Variants in CTNND1 observed in about 807,000 individuals in gnomAD.
CTNND1 encodes the protein catenin delta 1.
A neutral mutation model predicts 112.1 loss-of-function variants in CTNND1; 16 were observed. That is an observed-to-expected ratio of 0.14 (90% CI 0.10 to 0.22). The LOEUF (loss-of-function observed/expected upper bound fraction) is 0.22. Among genes scored for constraint, CTNND1 ranks in the 10% least tolerant of loss-of-function variants. CTNND1 has a pLI of 1.00. For synonymous variants in CTNND1, 420 were observed against 446.5 expected, an observed-to-expected ratio of 0.94 and a Z score of 0.75; for missense variants, 1,008 against 1,257.0, an observed-to-expected ratio of 0.80 and a Z score of 3.00.
chr11:57,816,585 T>G lies in CTNND1; in HGVS notation c.*277T>G. 3.8e-6 allele frequency: 2 copies of G among 526,146 alleles called. No homozygotes were observed. Among genetic ancestry groups the G allele is most frequent in the Non-Finnish European group, 6.8e-6 (2 of 293,192 alleles). 32.6% of individuals were successfully genotyped at this position (526,146 alleles called of 1,614,324 possible). ...CATATTTTGAGAAACTGCTGCAGAT[T>G]AGTTCTTTTTGCCAGTTTTCCCTGG... On this transcript the variant is annotated 3_prime_UTR_variant, in exon 21 of 21. Transcript: ENST00000399050.
rs1182263191 is a variant in CTNND1 at position 57,805,914 on chromosome 11, C to T, written c.1755C>T (p.Asn585=). 1.9e-6 allele frequency: 3 copies of T among 1,613,710 alleles called. No homozygotes were observed. The highest frequency in any genetic ancestry group is 1.6e-4 in the Middle Eastern group (1 of 6,082). ...LVENCVCLLR[N]LSYQVHREIP... is the part of the protein sequence containing the mutation. ...AGAACTGTGTTTGCCTTCTTCGGAA[C>T]TTATCATATCAAGTTCACCGGGAGA... The change falls in exon 10 of 21, where the codon AAC becomes AAT. Residue 585 remains asparagine (N), a synonymous_variant. Coordinates refer to ENST00000399050, the MANE Select transcript of CTNND1 (RefSeq NM_001085458.2).
In CTNND1 at chr11:57,791,564, C is replaced by T. The variant is rs748583238; in HGVS notation, c.86C>T (p.Ala29Val). 2 of 1,610,602 alleles carry T rather than the reference C, an allele frequency of 1.2e-6. No individual in the cohort carries two copies. Among genetic ancestry groups the T allele is most frequent in the South Asian group, 1.1e-5 (1 of 90,470 alleles). Residue 29 changes from alanine to valine, a missense_variant, in exon 3 of 21, where the codon GCG becomes GTG. This residue lies in a region of CTNND1 where 404 missense variants were observed against 457.9 expected (regional missense o/e 0.88). Coordinates refer to ENST00000399050, the MANE Select transcript of CTNND1 (RefSeq NM_001085458.2). ...GCCCAGTTTGAGAAGCTGACCCGGG[C>T]GCTGGAGGAGGAACGGCGCCACGTC... ...QEAQFEKLTR[A>V]LEEERRHVSA... is the part of the protein sequence containing the mutation.
At chr11:57,799,290 G>T (rs2061720345) in intron 6 of CTNND1, among the ~76,000 whole-genome samples, 2 of 152,194 alleles carry the variant, frequency 1.3e-5, no homozygotes, top group African/African-American at 4.8e-5. Flanking sequence ...TGGCTCTACT[G>T]CAAGTCTGCT....
At chr11:57,772,008 GCCTCCCACGCTCAAGCCAT>G (rs1313072015) in intron 1 of CTNND1, among the ~76,000 whole-genome samples, 1 of 150,056 alleles carries the variant, frequency 6.7e-6, no homozygotes, top group East Asian at 1.9e-4. Context: ...TGCAGCCTCC[GCCTCCCACGCTCAAGCCAT>G]CCTCCCACCT....
rs920814045 is a variant in CTNND1 at position 57,791,285 on chromosome 11, T to C, written c.-94-100T>C. On this transcript the variant is annotated intron_variant, in intron 2 of 20. Coordinates refer to ENST00000399050, the MANE Select transcript of CTNND1 (RefSeq NM_001085458.2). ...CGGTGGCTTGCTTTCTGCACTGCAG[T>C]AAAACCACGAGAGGGCATCTTTGGC... 2.6e-5 allele frequency: 28 copies of C among 1,075,340 alleles called. 1 individual carries two copies. The Admixed American group carries it at 4.7e-4, about 18-fold the overall frequency. The allele number at this position is 1,075,340 out of a possible 1,614,324, so 66.6% of individuals were successfully genotyped here.
intron 1 of CTNND1, among the ~76,000 whole-genome samples, chr11:57,763,690 TTC>T (rs1950371641): frequency 6.6e-6 from 1 of 152,248 alleles, no homozygotes; most frequent in Admixed American, 6.5e-5. Context: ...CTTTCAAATG[TTC>T]TCTCTGCCTT....
chr11:57,814,815 C>G (rs912192174), intron 18 of CTNND1, among the ~76,000 whole-genome samples: 1 of 152,170 alleles, frequency 6.6e-6, no homozygotes, highest in African/African-American at 2.4e-5. Flanking sequence ...AGGCTTAACT[C>G]AAGTCCTGTT....
intron 1 of CTNND1, among the ~76,000 whole-genome samples, chr11:57,767,342 T>TTGATG (rs1296413528): frequency 2.0e-5 from 3 of 152,182 alleles, no homozygotes; most frequent in Non-Finnish European, 4.4e-5. Flanking sequence ...CCCAGGTTGG[T>TTGATG]TGATGTGATG....
intron 20 of CTNND1, 141 bp downstream of exon 20, chr11:57,816,142 G>A: frequency 8.7e-7 from 1 of 1,156,020 alleles, no homozygotes; most frequent in Non-Finnish European, 1.3e-6. Flanking sequence ...CTGCTTTTGT[G>A]ATTATTACCT....
chr11:57,770,652 AAAAAAAAT>A (rs561783586), intron 1 of CTNND1, among the ~76,000 whole-genome samples: 3 of 151,842 alleles, frequency 2.0e-5, no homozygotes, highest in Non-Finnish European at 2.9e-5. Flanking sequence ...ACTCCATCTC[AAAAAAAAT>A]AAAAAAATAA....
intron 2 of CTNND1, 126 bp from the exon 3 acceptor site, chr11:57,791,259 G>C: frequency 3.0e-6 from 2 of 676,314 alleles, no homozygotes; most frequent in Non-Finnish European, 4.2e-6. Context: ...CCCAGGCTTG[G>C]CGGTGGCTTG....
chr11:57,793,066 A>G (rs917033174), intron 3 of CTNND1: 9 of 152,136 alleles, frequency 5.9e-5, no homozygotes, highest in African/African-American at 1.9e-4. Context: ...AGGATTCAGT[A>G]TGTGGTTGCT....
chr11:57,806,148 G>A, intron 10 of CTNND1, 113 bp downstream of exon 10: 1 of 1,376,328 alleles, frequency 7.3e-7, no homozygotes, highest in Non-Finnish European at 9.7e-7. Flanking sequence ...CCTGGTTATG[G>A]ATGTCTTTTT....
intron 2 of CTNND1, among the ~76,000 whole-genome samples, chr11:57,790,576 G>C (rs1345465893): frequency 9.6e-5 from 2 of 20,942 alleles, no homozygotes; most frequent in African/African-American, 3.7e-4. Flanking sequence ...TTTTTTTTTT[G>C]AGACGGAGTC....
chr11:57,816,270 TTCTC>T (rs755447099), intron 20 of CTNND1, 23 bp from the exon 21 acceptor site: 94 of 1,613,446 alleles, frequency 5.8e-5, no homozygotes, highest in Non-Finnish European at 7.8e-5. Flanking sequence ...CCCATTAACA[TTCTC>T]TCTTTCTCTT....
At chr11:57,789,521 T>C (rs937159541) in intron 2 of CTNND1, among the ~76,000 whole-genome samples, 7 of 152,194 alleles carry the variant, frequency 4.6e-5, no homozygotes, top group African/African-American at 1.7e-4. Flanking sequence ...TACTTGGATA[T>C]TTATCCTGAG....
rs570153857 is a variant in CTNND1, at chr11:57,781,234, G to A, written c.-213-7803G>A. ...TTACAGGCGTGAGCAACCGCACCTG[G>A]CCGAGAAGCTGCTATTTTAAAAAAG... On this transcript the variant is annotated intron_variant, in intron 1 of 20. Transcript: ENST00000399050. Among the ~76,000 whole-genome samples, 73 of 152,256 alleles carry A rather than the reference G, an allele frequency of 4.8e-4. No individual in the cohort carries two copies. The East Asian group carries it at 0.011, about 23-fold the overall frequency.
At chr11:57,800,774 T>A (rs923958581) in intron 6 of CTNND1, among the ~76,000 whole-genome samples, 2 of 152,236 alleles carry the variant, frequency 1.3e-5, no homozygotes, top group Admixed American at 6.5e-5. Flanking sequence ...TATCCTCTCC[T>A]GTGGGAGCCA....
intron 7 of CTNND1, among the ~76,000 whole-genome samples, chr11:57,802,913 G>A (rs2062165700): frequency 6.6e-6 from 1 of 152,140 alleles, no homozygotes; most frequent in African/African-American, 2.4e-5. Context: ...GATATTTTTG[G>A]TTGTTATAAC....
Sources: allele counts gnomAD v4.1 joint callset (sites outside exome capture counted in the v4.1 genomes callset), GRCh38; gene constraint gnomAD v4.1.1; regional missense constraint gnomAD v4.1.1; transcripts MANE v1.5; gene names NCBI Gene and HGNC (gene_info 2026-07-23, HGNC 2026-07-21).